The following ANK3 variants were observed in gnomAD, a reference collection of about 807,000 sequenced individuals.
The protein encoded by ANK3 is ankyrin 3.
In ANK3, 57 loss-of-function variants were observed where a neutral mutation model predicts 370.9. The observed-to-expected ratio is 0.15, with a 90% confidence interval of 0.12 to 0.19. ANK3 has a LOEUF of 0.19. Ranked by LOEUF, ANK3 falls within the 10% of genes least tolerant of loss-of-function variation. The pLI, the probability that ANK3 is intolerant of heterozygous loss-of-function variation, is 1.00. For synonymous variants in ANK3, 1,929 were observed against 1,946.3 expected, an observed-to-expected ratio of 0.99 and a Z score of 0.23; for missense variants, 4,439 against 5,302.1, an observed-to-expected ratio of 0.84 and a Z score of 5.06.
intron 1 of ANK3, among the ~76,000 whole-genome samples, chr10:60,330,981 C>T (rs1384206648): frequency 2.0e-5 from 3 of 152,124 alleles, no homozygotes; most frequent in Admixed American, 6.5e-5. Flanking sequence ...ATGGATGAAG[C>T]TGGAAATCAT....
At chr10:60,320,101 C>G (rs184590682) in intron 1 of ANK3, among the ~76,000 whole-genome samples, 1 of 152,192 alleles carries the variant, frequency 6.6e-6, no homozygotes, top group Non-Finnish European at 1.5e-5. Flanking sequence ...TTAGAAGGAG[C>G]TGGGCCTGTG....
intron 7 of ANK3, among the ~76,000 whole-genome samples, chr10:60,251,957 T>C (rs1483502087): frequency 6.6e-6 from 1 of 152,222 alleles, no homozygotes; most frequent in Non-Finnish European, 1.5e-5. Context: ...TTCAGCCTCC[T>C]TTTCTTGGAG....
At chr10:60,685,179 G>C (rs2133395396) in intron 1 of ANK3, 1 of 478,270 alleles carries the variant, frequency 2.1e-6, no homozygotes, top group Non-Finnish European at 3.8e-6. Flanking sequence ...TGCCCTCCTG[G>C]ATGCTATTAA....
At chr10:60,520,265 G>T (rs1447083016) in intron 2 of ANK3, among the ~76,000 whole-genome samples, 1 of 152,040 alleles carries the variant, frequency 6.6e-6, no homozygotes, top group East Asian at 1.9e-4. Context: ...CAATAGAATA[G>T]ACACTGGGGA....
chr10:60,570,609 G>A (rs538217642), intron 2 of ANK3, among the ~76,000 whole-genome samples: 61 of 152,280 alleles, frequency 4.0e-4, no homozygotes, highest in South Asian at 1.7e-3. Context: ...TTAGACTGGA[G>A]AGCTTCAGGC....
At chr10:60,341,222 T>A (rs758321012) in intron 1 of ANK3, among the ~76,000 whole-genome samples, 1 of 152,142 alleles carries the variant, frequency 6.6e-6, no homozygotes, top group Non-Finnish European at 1.5e-5. Flanking sequence ...TGAGAAAGTA[T>A]AAAAAATGAA....
chr10:60,116,127 C>T (rs750436123), intron 25 of ANK3, among the ~76,000 whole-genome samples: 1 of 152,110 alleles, frequency 6.6e-6, no homozygotes, highest in Non-Finnish European at 1.5e-5. Context: ...ATCACTACCA[C>T]CAACCCTAGC....
intron 1 of ANK3, among the ~76,000 whole-genome samples, chr10:60,316,505 T>C (rs2047442856): frequency 6.6e-6 from 1 of 152,160 alleles, no homozygotes; most frequent in South Asian, 2.1e-4. Context: ...ACAGTTTTAT[T>C]TGACAAGGTT....
At chr10:60,594,845 T>C (rs2077965629) in intron 2 of ANK3, among the ~76,000 whole-genome samples, 1 of 152,158 alleles carries the variant, frequency 6.6e-6, no homozygotes, top group African/African-American at 2.4e-5. Context: ...CTGCTGGTTG[T>C]GCCTGAGTAA....
At chr10:60,616,372 C>T (rs1214911598) in intron 1 of ANK3, among the ~76,000 whole-genome samples, 2 of 152,084 alleles carry the variant, frequency 1.3e-5, no homozygotes, top group East Asian at 3.9e-4. Context: ...CAATCATAGT[C>T]CTACCATTAG....
chr10:60,425,195 G>T (rs2063857860), intron 2 of ANK3, among the ~76,000 whole-genome samples: 1 of 152,004 alleles, frequency 6.6e-6, no homozygotes, highest in Non-Finnish European at 1.5e-5. Context: ...CATTGTTCCC[G>T]TGGGCAAGTG....
chr10:60,551,762 G>T (rs936334580), intron 2 of ANK3, among the ~76,000 whole-genome samples: 1 of 152,042 alleles, frequency 6.6e-6, no homozygotes, highest in Non-Finnish European at 1.5e-5. Flanking sequence ...ACCTTTATAT[G>T]CATGTAAAAC....
chr10:60,127,223 A>C (rs2093808592), intron 25 of ANK3, among the ~76,000 whole-genome samples: 1 of 152,208 alleles, frequency 6.6e-6, no homozygotes, highest in South Asian at 2.1e-4. Flanking sequence ...TTTTTATCCT[A>C]AAGTAATTGC....
At chr10:60,449,599 T>G (rs997295470) in intron 2 of ANK3, among the ~76,000 whole-genome samples, 1 of 152,196 alleles carries the variant, frequency 6.6e-6, no homozygotes, top group African/African-American at 2.4e-5. Flanking sequence ...CTATTAGCTG[T>G]GTGACTTTGG....
chr10:60,102,869 C>A (rs148278410), intron 28 of ANK3, among the ~76,000 whole-genome samples: 32 of 152,196 alleles, frequency 2.1e-4, no homozygotes, highest in African/African-American at 7.5e-4. Context: ...ACAAGACAGA[C>A]ATTATCAAGG....
intron 1 of ANK3, among the ~76,000 whole-genome samples, chr10:60,731,676 A>G (rs1314788300): frequency 6.6e-6 from 1 of 152,210 alleles, no homozygotes; most frequent in African/African-American, 2.4e-5. Flanking sequence ...TTGCTTCCTT[A>G]AACACGCACC....
intron 2 of ANK3, among the ~76,000 whole-genome samples, chr10:60,454,348 G>C (rs552131563): frequency 1.3e-5 from 2 of 152,222 alleles, no homozygotes; most frequent in South Asian, 4.2e-4. Context: ...CACAATCTAG[G>C]ATGACACTTT....
At chr10:60,426,524 G>A (rs965045349) in intron 2 of ANK3, among the ~76,000 whole-genome samples, 2 of 152,008 alleles carry the variant, frequency 1.3e-5, no homozygotes, top group African/African-American at 2.4e-5. Flanking sequence ...GGCAGGAGAC[G>A]CAATGAGTCA....
intron 1 of ANK3, among the ~76,000 whole-genome samples, chr10:60,388,297 G>A (rs1303427408): frequency 6.6e-6 from 1 of 152,208 alleles, no homozygotes; most frequent in Non-Finnish European, 1.5e-5. Context: ...ACAAAAGGCA[G>A]AGAGTCTTCT....
Sources: gnomAD v4.1 joint callset for allele counts (sites outside exome capture counted in the v4.1 genomes callset) on GRCh38, gnomAD v4.1.1 for gene constraint, MANE v1.5 for transcripts, NCBI Gene and HGNC (gene_info 2026-07-23, HGNC 2026-07-21) for gene names.